Variants in OR7E24 observed in about 807,000 individuals in gnomAD.
OR7E24 encodes the protein olfactory receptor family 7 subfamily E member 24.
For synonymous variants in OR7E24, 130 were observed against 157.5 expected, an observed-to-expected ratio of 0.83 and a Z score of 1.31; for missense variants, 385 against 410.3, an observed-to-expected ratio of 0.94 and a Z score of 0.53.
the OR7E24 span, among the ~76,000 whole-genome samples, chr19:9,225,094 G>C: frequency 6.6e-6 from 1 of 151,944 alleles, no homozygotes; most frequent in Non-Finnish European, 1.5e-5. Context: ...GAGAGGGGAG[G>C]TCGGGTGCGG....
At chr19:9,227,840 G>A in the OR7E24 span, among the ~76,000 whole-genome samples, 2 of 137,034 alleles carry the variant, frequency 1.5e-5, no homozygotes, top group East Asian at 2.3e-4. Context: ...TGCAAGCTCC[G>A]CCTCCCGGGT....
chr19:9,238,304 AAAAC>A, the OR7E24 span, among the ~76,000 whole-genome samples: 1 of 151,582 alleles, frequency 6.6e-6, no homozygotes, highest in African/African-American at 2.4e-5. Flanking sequence ...AATAAACAAA[AAAAC>A]AATGAAGTGG....
the OR7E24 span, chr19:9,213,805 T>G: frequency 2.2e-6 from 2 of 890,408 alleles, no homozygotes; most frequent in Non-Finnish European, 3.5e-6. Flanking sequence ...ATCAAGCACA[T>G]TTTTTAAAAG....
chr19:9,221,449 T>C, the OR7E24 span, among the ~76,000 whole-genome samples: 8 of 139,598 alleles, frequency 5.7e-5, no homozygotes, highest in South Asian at 4.9e-4. Flanking sequence ...CTCCCGGGTT[T>C]ACGCCATTCT....
upstream of OR7E24, among the ~76,000 whole-genome samples, chr19:9,245,702 G>A (rs1378020895): frequency 6.6e-6 from 1 of 152,196 alleles, no homozygotes; most frequent in Non-Finnish European, 1.5e-5. Flanking sequence ...AGCCCCTTGA[G>A]GCGTTCATCC....
chr19:9,223,894 A>T, the OR7E24 span, among the ~76,000 whole-genome samples: 1 of 151,690 alleles, frequency 6.6e-6, no homozygotes, highest in Non-Finnish European at 1.5e-5. Flanking sequence ...TCTGTGGCAT[A>T]GACTGGAGTG....
chr19:9,213,653 G>A, the OR7E24 span: 10 of 444,470 alleles, frequency 2.2e-5, no homozygotes, highest in Non-Finnish European at 3.7e-5. Context: ...CAGGAGAACC[G>A]CTTCAACCTG....
chr19:9,213,852 C>T, the OR7E24 span: 3 of 1,330,578 alleles, frequency 2.3e-6, no homozygotes, highest in South Asian at 1.2e-5. Context: ...ACAACATTTG[C>T]CTTAGGGGTA....
chr19:9,218,727 C>G, the OR7E24 span, among the ~76,000 whole-genome samples: 1 of 152,100 alleles, frequency 6.6e-6, no homozygotes, highest in Non-Finnish European at 1.5e-5. Context: ...CTCCTGGGTT[C>G]AAGCAATTAT....
chr19:9,239,707 C>CTTTTTTTTTT, the OR7E24 span, among the ~76,000 whole-genome samples: 7 of 123,026 alleles, frequency 5.7e-5, no homozygotes, highest in South Asian at 2.6e-4. Flanking sequence ...TTTTCTTTTT[C>CTTTTTTTTTT]TTTTTTTTTT....
At chr19:9,229,768 G>A in the OR7E24 span, among the ~76,000 whole-genome samples, 1 of 152,138 alleles carries the variant, frequency 6.6e-6, no homozygotes, top group South Asian at 2.1e-4. Context: ...ATTTAATGAG[G>A]CTCTCTGAGA....
At chr19:9,206,918 A>T in the OR7E24 span, 3 of 152,260 alleles carry the variant, frequency 2.0e-5, no homozygotes, top group South Asian at 6.2e-4. Flanking sequence ...GGGCTCTCTT[A>T]CCCAGAGATT....
chr19:9,230,251 C>T, the OR7E24 span, among the ~76,000 whole-genome samples: 9 of 152,062 alleles, frequency 5.9e-5, no homozygotes, highest in East Asian at 1.4e-3. Context: ...CTCCATGTTG[C>T]TCAGGCTGGT....
chr19:9,213,556 G>A, the OR7E24 span: 1 of 267,530 alleles, frequency 3.7e-6, no homozygotes, highest in African/African-American at 2.2e-5. Flanking sequence ...TGAACAGTAT[G>A]GTGGAACCCT....
chr19:9,251,029 G>A lies in OR7E24; in HGVS notation c.-15G>A. The stretch of plus-strand genomic sequence containing the variant: ...TATCCAAAATATAGACACAGTGCTA[G>A]ATGCTGGTTTACTTATGTCCTATTT... On this transcript the variant is annotated 5_prime_UTR_variant, in exon 1 of 1. Transcript: ENST00000456448. 3.9e-6 allele frequency: 6 copies of A among 1,535,920 alleles called. No individual in the cohort carries two copies. Among genetic ancestry groups the A allele is most frequent in the Non-Finnish European group, 5.3e-6 (6 of 1,139,234 alleles).
chr19:9,237,304 T>G, the OR7E24 span, among the ~76,000 whole-genome samples: 1 of 151,522 alleles, frequency 6.6e-6, no homozygotes, highest in African/African-American at 2.4e-5. Context: ...TTAAAATTTA[T>G]TTATTTATTT....
the OR7E24 span, chr19:9,213,780 A>C: frequency 1.4e-6 from 1 of 716,320 alleles, no homozygotes; most frequent in Middle Eastern, 3.8e-4. Flanking sequence ...CAATAACAAC[A>C]ACCAAAAATC....
chr19:9,230,200 A>G, the OR7E24 span, among the ~76,000 whole-genome samples: 2 of 151,934 alleles, frequency 1.3e-5, no homozygotes, highest in African/African-American at 4.8e-5. Context: ...AGGCGCCACT[A>G]CGCCTGGCTA....
the OR7E24 span, chr19:9,236,074 T>C: frequency 1.3e-6 from 2 of 1,506,644 alleles, no homozygotes; most frequent in South Asian, 1.1e-5. Flanking sequence ...GGCAGCCTCT[T>C]GTCTCTTACG....
Sources: allele counts gnomAD v4.1 joint callset (sites outside exome capture counted in the v4.1 genomes callset), GRCh38; gene constraint gnomAD v4.1.1; transcripts MANE v1.5; gene names NCBI Gene and HGNC (gene_info 2026-07-23, HGNC 2026-07-21).